The following WFDC13 variants were observed in gnomAD, a reference collection of about 807,000 sequenced individuals.
The protein encoded by WFDC13 is WAP four-disulfide core domain 13.
WFDC13 carries 6 observed loss-of-function variants against 10.9 expected under a neutral mutation model. That is an observed-to-expected ratio of 0.55 (90% CI 0.30 to 1.09). The LOEUF (loss-of-function observed/expected upper bound fraction) is 1.09, where lower values mean the gene tolerates loss of function less well. Among genes scored for constraint, WFDC13 ranks in the 50% least tolerant of loss-of-function variants. The pLI, the probability that WFDC13 is intolerant of heterozygous loss-of-function variation, is 0.06. For synonymous variants in WFDC13, 38 were observed against 39.5 expected (o/e 0.96, Z 0.14); for missense variants, 104 against 109.6 (o/e 0.95, Z 0.23).
Position 45,708,758 on chromosome 20 carries a change from A to G in WFDC13, c.*923A>G, listed in dbSNP as rs1724052052. On this transcript the variant is annotated 3_prime_UTR_variant, in exon 4 of 4. Transcript: ENST00000305479. Reference sequence around the variant, plus strand: ...TTGATATATTCGTAAGCTTTTGTTAAGTTTGTAATTTGTTGCAATTTCTTT... The same window carrying G: ...TTGATATATTCGTAAGCTTTTGTTAGGTTTGTAATTTGTTGCAATTTCTTT... 6.6e-6 allele frequency: 1 copy of G among 152,206 alleles called. No homozygotes were observed. The highest frequency in any genetic ancestry group is 2.1e-4 in the South Asian group (1 of 4,830). 9.4% of individuals were successfully genotyped at this position (152,206 alleles called of 1,614,324 possible).
Position 45,704,896 on chromosome 20 carries a change from C to T in WFDC13, c.239+302C>T, listed in dbSNP as rs140141960. 604 of 1,612,768 alleles carry T rather than the reference C, an allele frequency of 3.7e-4. 5 individuals are homozygous for T. In the African/African-American group the frequency reaches 6.4e-3, roughly 17 times the overall value. ...GACCTTCCCCCGACCCAGAATCCAC[C>T]CTTATCCCAGGGACACTGTACCTGC... On this transcript the variant is annotated intron_variant, in intron 2 of 3. Transcript: ENST00000305479.
intron 2 of WFDC13, 24 bp from the exon 3 acceptor site, chr20:45,705,838 AT>A: frequency 6.2e-7 from 1 of 1,609,720 alleles, no homozygotes; most frequent in Non-Finnish European, 8.5e-7. Context: ...ACTAGTTAAT[AT>A]TTGAAAATAT....
At position 45,704,505 on chromosome 20, in the gene WFDC13, A is replaced by T. The variant is rs1178761280; in HGVS notation, c.150A>T (p.Thr50=). ...CTGAAAACTGTACTCACCTGTGTAC[A>T]ATGCAGGAAGATTGCGAGAAAGGAT... ...SAPENCTHLC[T]MQEDCEKGFQ... The change falls in exon 2 of 4, where the codon ACA becomes ACT. Residue 50 remains threonine (T), a synonymous_variant. Transcript: ENST00000305479. 2 of 1,614,214 alleles carry T rather than the reference A, an allele frequency of 1.2e-6. No individual in the cohort carries two copies. The highest frequency in any genetic ancestry group is 3.3e-4 in the Middle Eastern group (2 of 6,062).
chr20:45,705,440 C>T (rs1389125004), intron 2 of WFDC13, among the ~76,000 whole-genome samples: 1 of 152,180 alleles, frequency 6.6e-6, no homozygotes, highest in African/African-American at 2.4e-5. Flanking sequence ...CAAATCCTGG[C>T]TTCTTAGCTA....
chr20:45,705,797 G>C lies in WFDC13; in HGVS notation c.240-66G>C, dbSNP rs542622533. On this transcript the variant is annotated intron_variant, in intron 2 of 3. Coordinates refer to ENST00000305479, the MANE Select transcript of WFDC13 (RefSeq NM_172005.2). ...ATATTAATGGTGGAAGTAATTGAAA[G>C]AAAAATATATATCTCTAAAAGTAAA... is the stretch of plus-strand genomic sequence containing the variant. 6 of 1,496,292 alleles carry C rather than the reference G, an allele frequency of 4.0e-6. No homozygotes were observed. The South Asian group carries it at 7.1e-5, about 18-fold the overall frequency. The allele number at this position is 1,496,292 out of a possible 1,614,324, so 92.7% of individuals were successfully genotyped here.
Position 45,702,138 on chromosome 20 carries a change from G to A in WFDC13, c.15G>A (p.Leu5=), listed in dbSNP as rs773290407. The A allele has an allele frequency of 1.9e-6, 3 of 1,613,264 alleles. No individual in the cohort carries two copies. Among genetic ancestry groups the A allele is most frequent in the African/African-American group, 2.7e-5 (2 of 75,040 alleles). Residue 5 remains leucine, a synonymous_variant, in exon 1 of 4, where the codon CTG becomes CTA. Coordinates refer to ENST00000305479, the MANE Select transcript of WFDC13 (RefSeq NM_172005.2). MKPV[L]PLQFLVVFCL... ...CCACTGACACCATGAAGCCTGTGCTGCCTCTCCAGTTCCTGGTGGTGTTCT... is the reference window on the plus strand; with the variant it reads ...CCACTGACACCATGAAGCCTGTGCTACCTCTCCAGTTCCTGGTGGTGTTCT...
At chr20:45,704,148 T>C (rs1323107317) in intron 1 of WFDC13, among the ~76,000 whole-genome samples, 2 of 152,248 alleles carry the variant, frequency 1.3e-5, no homozygotes, top group East Asian at 3.8e-4. Context: ...ACCCTTGATA[T>C]GGACACAACC....
chr20:45,704,811 C>G, intron 2 of WFDC13: 1 of 1,339,808 alleles, frequency 7.5e-7, no homozygotes, highest in Non-Finnish European at 1.1e-6. Flanking sequence ...ATCCCATCAC[C>G]ATATCCGTGA....
chr20:45,707,194 C>A (rs1394615941), intron 3 of WFDC13, among the ~76,000 whole-genome samples: 3 of 152,202 alleles, frequency 2.0e-5, no homozygotes, highest in African/African-American at 7.2e-5. Flanking sequence ...TCACTCCAGA[C>A]AGAATTAGTC....
chr20:45,704,561 T>G lies in WFDC13; in HGVS notation c.206T>G (p.Val69Gly). The part of the protein sequence containing the change: ...FQCCSSFCGI[V>G]CSSETFQKRN... ...TGCTGTTCCTCCTTCTGTGGGATAG[T>G]CTGTTCATCAGAAACATTTCAAAAG... Residue 69 changes from valine to glycine, a missense_variant, in exon 2 of 4, where the codon GTC (valine) becomes GGC (glycine). Val to Gly is a moderately radical substitution (Grantham distance 109). Transcript: ENST00000305479. 6.2e-7 allele frequency: 1 copy of G among 1,614,172 alleles called. No homozygotes were observed. Among genetic ancestry groups the G allele is most frequent in the Non-Finnish European group, 8.5e-7 (1 of 1,180,030 alleles).
intron 2 of WFDC13, chr20:45,704,860 C>T: frequency 6.4e-7 from 1 of 1,566,384 alleles, no homozygotes; most frequent in Non-Finnish European, 8.8e-7. Context: ...CCACAAATGC[C>T]TTTATCCACA....
chr20:45,707,563 A>T (rs1000828863), intron 3 of WFDC13, among the ~76,000 whole-genome samples: 3 of 152,250 alleles, frequency 2.0e-5, no homozygotes, highest in African/African-American at 7.2e-5. Context: ...ATTACACATT[A>T]TAAATACAGA....
At chr20:45,707,582 A>C (rs146126163) in intron 3 of WFDC13, among the ~76,000 whole-genome samples, 370 of 152,352 alleles carry the variant, frequency 2.4e-3, no homozygotes, top group African/African-American at 8.4e-3. Flanking sequence ...GAACACAGAA[A>C]GTTCTAATGG....
intron 1 of WFDC13, 92 bp from the exon 2 acceptor site, chr20:45,704,352 C>A: frequency 6.6e-7 from 1 of 1,504,782 alleles, no homozygotes; most frequent in Non-Finnish European, 8.9e-7. Flanking sequence ...ATGAGGGTGG[C>A]AGGTTTCCTG....
chr20:45,704,710 G>A (rs1196277167), intron 2 of WFDC13, 116 bp downstream of exon 2: 9 of 1,456,006 alleles, frequency 6.2e-6, no homozygotes, highest in Non-Finnish European at 8.3e-6. Context: ...TTCCTTGGTG[G>A]CCATGTTGCC....
At position 45,702,044 on chromosome 20, in the gene WFDC13, C is replaced by T; in HGVS notation, c.-80C>T. 7.2e-7 allele frequency: 1 copy of T among 1,390,048 alleles called. No homozygotes were observed. Among genetic ancestry groups the T allele is most frequent in the Admixed American group, 2.0e-5 (1 of 50,042 alleles). The allele number at this position is 1,390,048 out of a possible 1,614,324, so 86.1% of individuals were successfully genotyped here. Reference sequence around the variant, plus strand: ...ACTGGGCCTCCACTTTGCCCTCTTTCCTTCTCTTCTCCTCACAGCAGTGCC... The same window carrying T: ...ACTGGGCCTCCACTTTGCCCTCTTTTCTTCTCTTCTCCTCACAGCAGTGCC... On this transcript the variant is annotated 5_prime_UTR_variant, in exon 1 of 4. Transcript: ENST00000305479.
intron 1 of WFDC13, 78 bp downstream of exon 1, chr20:45,702,289 C>A: frequency 7.1e-7 from 1 of 1,403,052 alleles, no homozygotes; most frequent in Non-Finnish European, 9.9e-7. Flanking sequence ...CAGTCTGTCA[C>A]ACCTCTTGGA....
rs1416090310 is a variant in WFDC13, at chr20:45,707,896, G to T, written c.*61G>T. 6.6e-6 allele frequency: 1 copy of T among 152,174 alleles called. No homozygotes were observed. Among genetic ancestry groups the T allele is most frequent in the Non-Finnish European group, 1.5e-5 (1 of 68,034 alleles). The allele number at this position is 152,174 out of a possible 1,614,324, so 9.4% of individuals were successfully genotyped here. On this transcript the variant is annotated 3_prime_UTR_variant, in exon 4 of 4. Transcript: ENST00000305479. Reference sequence around the variant, plus strand: ...TTTTTCTTGGTCCACCTTTAGGAAGGTATTGAGAAGCAAGAAACTGGAGGC... The same window carrying T: ...TTTTTCTTGGTCCACCTTTAGGAAGTTATTGAGAAGCAAGAAACTGGAGGC...
chr20:45,702,600 G>A (rs190524502), intron 1 of WFDC13, among the ~76,000 whole-genome samples: 1 of 152,236 alleles, frequency 6.6e-6, no homozygotes, highest in African/African-American at 2.4e-5. Context: ...ATAAAACAGA[G>A]AGACAACGAA....
Sources: allele counts gnomAD v4.1 joint callset (sites outside exome capture counted in the v4.1 genomes callset), GRCh38; gene constraint gnomAD v4.1.1; transcripts MANE v1.5; gene names NCBI Gene and HGNC (gene_info 2026-07-23, HGNC 2026-07-21).